Variants in ZC2HC1A observed in about 807,000 individuals in gnomAD.
ZC2HC1A encodes zinc finger C2HC domain-containing protein 1A.
In ZC2HC1A, 28 loss-of-function variants were observed where a neutral mutation model predicts 40.7. The ratio of observed to expected loss-of-function variants is 0.69; its 90% CI spans 0.51 to 0.94. The LOEUF (loss-of-function observed/expected upper bound fraction) is 0.94, where lower values mean the gene tolerates loss of function less well. Among genes scored for constraint, ZC2HC1A ranks in the 40% least tolerant of loss-of-function variants. The pLI, the probability that ZC2HC1A is intolerant of heterozygous loss-of-function variation, is 0.00. For missense variants in ZC2HC1A, 389 were observed against 386.3 expected, an observed-to-expected ratio of 1.01 and a Z score of -0.06; for synonymous variants, 129 against 129.2, an observed-to-expected ratio of 1.00 and a Z score of 0.01.
intron 5 of ZC2HC1A, among the ~76,000 whole-genome samples, chr8:78,696,791 G>A (rs554548726): frequency 1.3e-5 from 2 of 152,076 alleles, no homozygotes; most frequent in Admixed American, 6.5e-5. Context: ...GTCATCTTAC[G>A]GTTTTTATCA....
chr8:78,691,609 C>G (rs1003354943), intron 5 of ZC2HC1A, among the ~76,000 whole-genome samples: 3 of 152,046 alleles, frequency 2.0e-5, no homozygotes, highest in Non-Finnish European at 4.4e-5. Context: ...GGTCTGCCAT[C>G]TGTTTTCTCC....
rs142995167 is a variant in ZC2HC1A, at chr8:78,689,911, G to A, written c.504+538G>A. ...AGGATTGCAAAGATTTTTCTCCCATGTCTTCTATAAGTTTTATGCTTTTAG... is the reference window on the plus strand; with the variant it reads ...AGGATTGCAAAGATTTTTCTCCCATATCTTCTATAAGTTTTATGCTTTTAG... On this transcript the variant is annotated intron_variant, in intron 5 of 8. Coordinates refer to ENST00000263849, the MANE Select transcript of ZC2HC1A (RefSeq NM_016010.3). Among the ~76,000 whole-genome samples, 899 of 152,072 alleles carry A rather than the reference G, an allele frequency of 5.9e-3. 9 individuals carry two copies. The highest frequency in any genetic ancestry group is 0.02 in the African/African-American group (843 of 41,490).
In ZC2HC1A at chr8:78,715,212, TTTTTATA is replaced by T. The variant is rs756357058; in HGVS notation, c.705-8_705-2del. On this transcript the variant is annotated splice_acceptor_variant and splice_polypyrimidine_tract_variant and intron_variant, in intron 7 of 8. Coordinates refer to ENST00000263849, the MANE Select transcript of ZC2HC1A (RefSeq NM_016010.3). LOFTEE classifies it high-confidence loss of function. ...AATACTTTTCCATTATTTTTCCTCT[TTTTTATA>T]GAGCTAATGTCAAACCCCGAAATTC... 6.2e-7 allele frequency: 1 copy of T among 1,611,380 alleles called. No homozygotes were observed. Among genetic ancestry groups the T allele is most frequent in the African/African-American group, 1.3e-5 (1 of 74,720 alleles).
intron 7 of ZC2HC1A, among the ~76,000 whole-genome samples, chr8:78,708,272 G>A (rs1810840795): frequency 6.6e-6 from 1 of 152,156 alleles, no homozygotes; most frequent in South Asian, 2.1e-4. Flanking sequence ...AATCTTTATT[G>A]TAGTCCACTT....
At chr8:78,712,410 G>A (rs533073045) in intron 7 of ZC2HC1A, among the ~76,000 whole-genome samples, 1 of 151,460 alleles carries the variant, frequency 6.6e-6, no homozygotes, top group South Asian at 2.1e-4. Flanking sequence ...TAGTAATTAG[G>A]GTTTTTTGTA....
rs1165670005 is a variant in ZC2HC1A, at chr8:78,718,642, A to G, written c.*1149A>G. 1 of 151,884 alleles carries G rather than the reference A, an allele frequency of 6.6e-6. No individual in the cohort carries two copies. The highest frequency in any genetic ancestry group is 2.4e-5 in the African/African-American group (1 of 41,440). 9.4% of individuals were successfully genotyped at this position (151,884 alleles called of 1,614,324 possible). On this transcript the variant is annotated 3_prime_UTR_variant, in exon 9 of 9. Coordinates refer to ENST00000263849, the MANE Select transcript of ZC2HC1A (RefSeq NM_016010.3). ...GACCCACTGAAAATGTATTGTTTTA[A>G]TGCATAATTGACTTACCTAATTAAA...
At chr8:78,684,435 G>A (rs1311360125) in intron 3 of ZC2HC1A, among the ~76,000 whole-genome samples, 1 of 152,176 alleles carries the variant, frequency 6.6e-6, no homozygotes, top group East Asian at 1.9e-4. Flanking sequence ...GACGGCATGG[G>A]AGAAACCTGC....
chr8:78,680,219 T>C (rs991659864), intron 3 of ZC2HC1A, among the ~76,000 whole-genome samples: 31 of 143,120 alleles, frequency 2.2e-4, no homozygotes, highest in African/African-American at 7.9e-4. Context: ...AACTTAAAAA[T>C]TGAATTCTAG....
intron 1 of ZC2HC1A, among the ~76,000 whole-genome samples, chr8:78,671,214 A>G (rs1421180882): frequency 6.6e-6 from 1 of 152,228 alleles, no homozygotes; most frequent in Non-Finnish European, 1.5e-5. Context: ...GTGTTAGATA[A>G]AGATACCATT....
intron 7 of ZC2HC1A, among the ~76,000 whole-genome samples, chr8:78,699,056 A>G (rs1810519084): frequency 6.6e-6 from 1 of 152,136 alleles, no homozygotes; most frequent in South Asian, 2.1e-4. Context: ...CTTTGTTTGA[A>G]TAGTAAATTA....
chr8:78,714,628 T>A (rs1280737447), intron 7 of ZC2HC1A, among the ~76,000 whole-genome samples: 1 of 152,136 alleles, frequency 6.6e-6, no homozygotes, highest in African/African-American at 2.4e-5. Flanking sequence ...TTCTTAAAGT[T>A]TCAAAATGGA....
At position 78,678,606 on chromosome 8, in the gene ZC2HC1A, G is replaced by A. The variant is rs201638521; in HGVS notation, c.137G>A (p.Arg46Gln). The change falls in exon 3 of 9, where the codon CGG (arginine) becomes CAG (glutamine). Residue 46 changes from arginine (R) to glutamine (Q), a missense_variant. Transcript: ENST00000263849. Reference protein sequence around the residue: ...PICQKTATKKRKTFDSSRQRA... With the variant: ...PICQKTATKKQKTFDSSRQRA... ...TGCCAGAAGACTGCAACTAAAAAACGGAAGACTTTTGATTCAAGCAGACAG... is the reference window on the plus strand; with the variant it reads ...TGCCAGAAGACTGCAACTAAAAAACAGAAGACTTTTGATTCAAGCAGACAG... The A allele has an allele frequency of 1.6e-5, 25 of 1,612,120 alleles. No individual in the cohort carries two copies. Among genetic ancestry groups the A allele is most frequent in the African/African-American group, 5.4e-5 (4 of 74,734 alleles).
At chr8:78,666,248 G>T in intron 1 of ZC2HC1A, 84 bp downstream of exon 1, 1 of 1,543,916 alleles carries the variant, frequency 6.5e-7, no homozygotes, top group South Asian at 1.2e-5. Context: ...GCAGGAAGGC[G>T]AGGGCTGGTT....
intron 5 of ZC2HC1A, among the ~76,000 whole-genome samples, chr8:78,696,991 A>C (rs1453712241): frequency 6.6e-6 from 1 of 152,154 alleles, no homozygotes; most frequent in African/African-American, 2.4e-5. Flanking sequence ...TGTGAACTGA[A>C]AAAGTTGCTG....
chr8:78,676,983 A>T (rs1209707755), intron 2 of ZC2HC1A, among the ~76,000 whole-genome samples: 2 of 152,078 alleles, frequency 1.3e-5, no homozygotes, highest in African/African-American at 4.8e-5. Flanking sequence ...GTCATCTGCT[A>T]TCCTCATTTT....
chr8:78,703,536 C>CTTT (rs35710652), intron 7 of ZC2HC1A, among the ~76,000 whole-genome samples: 85 of 139,696 alleles, frequency 6.1e-4, no homozygotes, highest in African/African-American at 1.9e-3. Flanking sequence ...TAATACCCTT[C>CTTT]TTTTTTTTTT....
chr8:78,675,671 A>G, intron 1 of ZC2HC1A, 116 bp from the exon 2 acceptor site: 1 of 956,592 alleles, frequency 1.0e-6, no homozygotes, highest in Non-Finnish European at 1.5e-6. Context: ...AAATGCAGTA[A>G]AACATTTTTC....
chr8:78,715,280 G>C lies in ZC2HC1A; in HGVS notation c.764G>C (p.Gly255Ala). Residue 255 changes from glycine to alanine, a missense_variant, in exon 8 of 9, where the codon GGT (glycine) becomes GCT (alanine). Gly to Ala is a moderately conservative substitution (Grantham distance 60). Transcript: ENST00000263849. Reference sequence around the variant, plus strand: ...AGTTTGGCAAGAAATCCTGCCCCAGGTGTGCTTACAAACAAAAGAAAAACA... The same window carrying C: ...AGTTTGGCAAGAAATCCTGCCCCAGCTGTGCTTACAAACAAAAGAAAAACA... ...PPSLARNPAPGVLTNKRKTYT... is the reference protein window; with the variant it reads ...PPSLARNPAPAVLTNKRKTYT... 6.2e-7 allele frequency: 1 copy of C among 1,613,816 alleles called. No homozygotes were observed. Among genetic ancestry groups the C allele is most frequent in the Non-Finnish European group, 8.5e-7 (1 of 1,179,902 alleles).
At chr8:78,689,170 G>A (rs1285438761) in intron 4 of ZC2HC1A, 52 bp from the exon 5 acceptor site, 1 of 1,299,190 alleles carries the variant, frequency 7.7e-7, no homozygotes, top group African/African-American at 1.5e-5. Context: ...ATTTTTTAAT[G>A]TCCGTTTCAA....
Sources: gnomAD v4.1 joint callset for allele counts (sites outside exome capture counted in the v4.1 genomes callset) on GRCh38, gnomAD v4.1.1 for gene constraint, MANE v1.5 for transcripts, NCBI Gene and HGNC (gene_info 2026-07-23, HGNC 2026-07-21) for gene names.